Variants in BIRC2 observed in about 807,000 individuals in gnomAD.
BIRC2 encodes baculoviral IAP repeat containing 2.
In BIRC2, 18 loss-of-function variants were observed where a neutral mutation model predicts 60.9. The ratio of observed to expected loss-of-function variants is 0.30; its 90% CI spans 0.20 to 0.44. The LOEUF (loss-of-function observed/expected upper bound fraction) is 0.44, where lower values mean the gene tolerates loss of function less well. BIRC2 is among the 20% of genes least tolerant of loss of function. BIRC2 has a pLI of 1.00. For missense variants in BIRC2, 701 were observed against 728.5 expected (o/e 0.96, Z 0.43); for synonymous variants, 282 against 247.7 (o/e 1.14, Z -1.30).
rs752881236 is a variant in BIRC2 at position 102,350,488 on chromosome 11, A to G, written c.634A>G (p.Ile212Val). The part of the protein sequence containing the change: ...SELARAGFYY[I>V]GPGDRVACFA... The stretch of plus-strand genomic sequence containing the variant: ...ATTGGCAAGAGCTGGTTTTTATTAT[A>G]TAGGACCTGGAGATAGGGTAGCCTG... Residue 212 changes from isoleucine (I) to valine (V), a missense_variant, in exon 2 of 9, where the codon ATA (isoleucine) becomes GTA (valine). Ile to Val is a conservative substitution (Grantham distance 29). Transcript: ENST00000227758. The G allele has an allele frequency of 1.7e-5, 28 of 1,614,074 alleles. No individual in the cohort carries two copies. Among genetic ancestry groups the G allele is most frequent in the Non-Finnish European group, 2.2e-5 (26 of 1,180,060 alleles).
chr11:102,367,693 T>C (rs1164558855), intron 5 of BIRC2, among the ~76,000 whole-genome samples: 1 of 152,256 alleles, frequency 6.6e-6, no homozygotes, highest in African/African-American at 2.4e-5. Flanking sequence ...CACTACTTTT[T>C]TCTTCAGAGC....
chr11:102,349,908 TA>T lies in BIRC2; in HGVS notation c.56del (p.Lys19ArgfsTer3), dbSNP rs1951334987. 2.1e-5 allele frequency: 34 copies of T among 1,613,774 alleles called. No homozygotes were observed. In the East Asian group the frequency reaches 7.6e-4, roughly 36 times the overall value. ...TCCCAGGTCCCTCGTATCAAAACAT[TA>T]AGAGTATAATGGAAGATAGCACGAT... Reference protein sequence around the residue: ...LFPGPSYQNIKSIMEDSTILS... With the variant: ...LFPGPSYQNIXSIMEDSTILS... On this transcript the variant is annotated frameshift_variant, in exon 2 of 9. Coordinates refer to ENST00000227758, the MANE Select transcript of BIRC2 (RefSeq NM_001166.5). LOFTEE classifies it high-confidence loss of function.
rs1951736519 is a variant in BIRC2, at chr11:102,378,228, A to G, written c.*45A>G. On this transcript the variant is annotated 3_prime_UTR_variant, in exon 9 of 9. Transcript: ENST00000227758. The stretch of plus-strand genomic sequence containing the variant: ...TAACCTGCATAAAAAGGTCTTTAAA[A>G]TATTGTTGAACACTTGAAGCCATCT... The G allele has an allele frequency of 7.0e-7, 1 of 1,436,648 alleles. No individual in the cohort carries two copies. 89.0% of individuals were successfully genotyped at this position (1,436,648 alleles called of 1,614,324 possible). A position where few individuals can be genotyped will look rare whatever the true frequency, so the allele number is the denominator to read the frequency against.
chr11:102,354,692 A>G (rs1951401110), intron 3 of BIRC2, among the ~76,000 whole-genome samples: 1 of 152,216 alleles, frequency 6.6e-6, no homozygotes, highest in African/African-American at 2.4e-5. Context: ...CCATAATGAC[A>G]GTAGTAAATT....
In BIRC2 at chr11:102,378,294, T is replaced by G. The variant is rs1951737114; in HGVS notation, c.*111T>G. The G allele has an allele frequency of 3.6e-6, 3 of 833,952 alleles. No individual in the cohort carries two copies. The highest frequency in any genetic ancestry group is 3.5e-6 in the Non-Finnish European group (2 of 563,644). 51.7% of individuals were successfully genotyped at this position (833,952 alleles called of 1,614,324 possible). A position where few individuals can be genotyped will look rare whatever the true frequency, so the allele number is the denominator to read the frequency against. On this transcript the variant is annotated 3_prime_UTR_variant, in exon 9 of 9. Coordinates refer to ENST00000227758, the MANE Select transcript of BIRC2 (RefSeq NM_001166.5). The stretch of plus-strand genomic sequence containing the variant: ...TTATGAGTTTTTCAATTAGTAACAT[T>G]CATGTTCTAGTCTGCTTTGGTACTA...
At chr11:102,352,388 A>T (rs1372623425) in intron 3 of BIRC2, among the ~76,000 whole-genome samples, 1 of 151,770 alleles carries the variant, frequency 6.6e-6, no homozygotes, top group East Asian at 1.9e-4. Context: ...TGCTGGGATT[A>T]CAGGCGTGAG....
Position 102,350,696 on chromosome 11 carries a change from C to A in BIRC2, c.842C>A (p.Ser281Tyr). 6.2e-7 allele frequency: 1 copy of A among 1,612,986 alleles called. No individual in the cohort carries two copies. The highest frequency in any genetic ancestry group is 8.5e-7 in the Non-Finnish European group (1 of 1,179,574). The change falls in exon 2 of 9, where the codon TCT becomes TAT. Residue 281 changes from serine to tyrosine, a missense_variant. Coordinates refer to ENST00000227758, the MANE Select transcript of BIRC2 (RefSeq NM_001166.5). ...ATGAGAACATTTATGTACTGGCCAT[C>A]TAGTGTTCCAGTTCAGCCTGAGCAG... Reference protein sequence around the residue: ...ARMRTFMYWPSSVPVQPEQLA... With the variant: ...ARMRTFMYWPYSVPVQPEQLA...
At position 102,374,513 on chromosome 11, in the gene BIRC2, C is replaced by T. The variant is rs1275915659; in HGVS notation, c.1367-2983C>T. ...GGGGTCAGGGACCCACTTGAGGAGG[C>T]AGTCTGCCGGTTCTCAGATCTCCAG... On this transcript the variant is annotated intron_variant, in intron 6 of 8. Coordinates refer to ENST00000227758, the MANE Select transcript of BIRC2 (RefSeq NM_001166.5). Among the ~76,000 whole-genome samples the T allele has an allele frequency of 6.2e-4, 93 of 150,888 alleles. 3 individuals are homozygous for T. In the East Asian group the frequency reaches 0.013, roughly 21 times the overall value.
At chr11:102,362,249 G>T (rs532098197) in intron 3 of BIRC2, among the ~76,000 whole-genome samples, 1 of 151,964 alleles carries the variant, frequency 6.6e-6, no homozygotes, top group East Asian at 1.9e-4. Flanking sequence ...ATAGGTCAGT[G>T]TTCCTTTTTT....
intron 6 of BIRC2, among the ~76,000 whole-genome samples, chr11:102,371,528 TG>T: frequency 7.0e-6 from 1 of 142,670 alleles, no homozygotes; most frequent in Non-Finnish European, 1.6e-5. Flanking sequence ...CACTTGATCA[TG>T]GTGGATAAGC....
chr11:102,374,208 T>C (rs1242856328), intron 6 of BIRC2, among the ~76,000 whole-genome samples: 1 of 151,580 alleles, frequency 6.6e-6, no homozygotes, highest in Non-Finnish European at 1.5e-5. Flanking sequence ...CCGTTGCTGG[T>C]GAGGAACTGC....
intron 6 of BIRC2, among the ~76,000 whole-genome samples, chr11:102,375,641 A>G (rs1205887314): frequency 6.6e-6 from 1 of 152,066 alleles, no homozygotes; most frequent in Non-Finnish European, 1.5e-5. Context: ...TTAGCCGGGC[A>G]TGGTGGCGGA....
In BIRC2 at chr11:102,350,241, T is replaced by A. The variant is rs1462849794; in HGVS notation, c.387T>A (p.Ser129=). The change falls in exon 2 of 9, where the codon TCT becomes TCA. Residue 129 remains serine (S), a synonymous_variant. Transcript: ENST00000227758. The part of the protein sequence containing the change: ...ASLGSTSKNT[S]PMRNSFAHSL... ...TGGGATCCACCTCTAAGAATACGTC[T>A]CCAATGAGAAACAGTTTTGCACATT... The A allele has an allele frequency of 6.2e-7, 1 of 1,614,236 alleles. No homozygotes were observed. The highest frequency in any genetic ancestry group is 8.5e-7 in the Non-Finnish European group (1 of 1,180,046).
At chr11:102,377,082 T>A (rs1295527393) in intron 6 of BIRC2, among the ~76,000 whole-genome samples, 1 of 152,142 alleles carries the variant, frequency 6.6e-6, no homozygotes, top group African/African-American at 2.4e-5. Context: ...TTTTTCTCCC[T>A]ATGTAAAAAT....
At chr11:102,351,614 CAAAAA>C (rs768269523) in intron 3 of BIRC2, among the ~76,000 whole-genome samples, 30 of 68,610 alleles carry the variant, frequency 4.4e-4, no homozygotes, top group East Asian at 2.7e-3. Flanking sequence ...GACTCTGTCT[CAAAAA>C]AAAAAAAAAA....
intron 6 of BIRC2, among the ~76,000 whole-genome samples, chr11:102,372,086 C>G (rs977881927): frequency 6.6e-6 from 1 of 151,982 alleles, no homozygotes; most frequent in African/African-American, 2.4e-5. Flanking sequence ...TGCTAGCGGT[C>G]TATCTATTTT....
chr11:102,350,459 C>T lies in BIRC2; in HGVS notation c.605C>T (p.Ser202Leu), dbSNP rs1357715551. The change falls in exon 2 of 9, where the codon TCA (serine) becomes TTA (leucine). Residue 202 changes from serine (S) to leucine (L), a missense_variant. Physicochemically the swap from Ser to Leu is moderately radical, Grantham distance 145. Transcript: ENST00000227758. ...HMWPLTFLSP[S>L]ELARAGFYYI... is the part of the protein sequence containing the mutation. ...TGGCCATTAACTTTTTTGTCACCATCAGAATTGGCAAGAGCTGGTTTTTAT... is the reference window on the plus strand; with the variant it reads ...TGGCCATTAACTTTTTTGTCACCATTAGAATTGGCAAGAGCTGGTTTTTAT... 6 of 1,614,076 alleles carry T rather than the reference C, an allele frequency of 3.7e-6. No homozygotes were observed. In the Admixed American group the frequency reaches 6.7e-5, roughly 18 times the overall value.
At chr11:102,354,531 T>G (rs2135806482) in intron 3 of BIRC2, among the ~76,000 whole-genome samples, 1 of 152,312 alleles carries the variant, frequency 6.6e-6, no homozygotes, top group South Asian at 2.1e-4. Context: ...AGTAGACACT[T>G]AAGTTGTTTC....
In BIRC2 at chr11:102,363,687, C is replaced by T. The variant is rs752031229; in HGVS notation, c.1094C>T (p.Thr365Ile). 1 of 1,611,514 alleles carries T rather than the reference C, an allele frequency of 6.2e-7. No homozygotes were observed. Among genetic ancestry groups the T allele is most frequent in the Admixed American group, 1.7e-5 (1 of 59,914 alleles). ...LLEQLLSTSDTTGEENADPPI... is the reference protein window; with the variant it reads ...LLEQLLSTSDITGEENADPPI... ...TCATAGCTGTTGTCAACTTCAGATACCACTGGAGAAGAAAATGCTGACCCA... is the reference window on the plus strand; with the variant it reads ...TCATAGCTGTTGTCAACTTCAGATATCACTGGAGAAGAAAATGCTGACCCA... The change falls in exon 5 of 9, where the codon ACC (threonine) becomes ATC (isoleucine). Residue 365 changes from threonine (T) to isoleucine (I), a missense_variant. By Grantham distance (89) the Thr-to-Ile change is moderately conservative (BLOSUM62 -1). Coordinates refer to ENST00000227758, the MANE Select transcript of BIRC2 (RefSeq NM_001166.5).
Sources: allele counts gnomAD v4.1 joint callset (sites outside exome capture counted in the v4.1 genomes callset), GRCh38; gene constraint gnomAD v4.1.1; transcripts MANE v1.5; gene names NCBI Gene and HGNC (gene_info 2026-07-23, HGNC 2026-07-21).